Variants in MAPKAP1 observed in about 807,000 individuals in gnomAD.
MAPKAP1 encodes target of rapamycin complex 2 subunit MAPKAP1.
A neutral mutation model predicts 65.7 loss-of-function variants in MAPKAP1; 20 were observed. That is an observed-to-expected ratio of 0.30 (90% CI 0.21 to 0.44). The LOEUF (loss-of-function observed/expected upper bound fraction) is 0.44, where lower values mean the gene tolerates loss of function less well. Ranked by LOEUF, MAPKAP1 falls within the 20% of genes least tolerant of loss-of-function variation. The probability of loss-of-function intolerance (pLI) is 1.00; values close to 1 mark genes in which losing one functional copy is unlikely to be tolerated. For synonymous variants in MAPKAP1, 222 were observed against 244.3 expected, an observed-to-expected ratio of 0.91 and a Z score of 0.85; for missense variants, 423 against 648.0, an observed-to-expected ratio of 0.65 and a Z score of 3.77.
At chr9:125,489,026 G>C (rs1854603614) in intron 8 of MAPKAP1, among the ~76,000 whole-genome samples, 1 of 152,138 alleles carries the variant, frequency 6.6e-6, no homozygotes, top group Non-Finnish European at 1.5e-5. Flanking sequence ...ACACATGAAA[G>C]ATGAAAGATG....
chr9:125,524,935 C>T (rs564151625), intron 7 of MAPKAP1, among the ~76,000 whole-genome samples: 80 of 152,360 alleles, frequency 5.3e-4, no homozygotes, highest in African/African-American at 1.9e-3. Context: ...CCTACACGTG[C>T]ACTCCTATGT....
At chr9:125,698,092 C>G (rs1190095902) in intron 1 of MAPKAP1, among the ~76,000 whole-genome samples, 1 of 151,292 alleles carries the variant, frequency 6.6e-6, no homozygotes, top group Non-Finnish European at 1.5e-5. Flanking sequence ...CTTTTCAGTA[C>G]TCTGAGTCAA....
intron 1 of MAPKAP1, among the ~76,000 whole-genome samples, chr9:125,701,975 G>A (rs1003444032): frequency 2.6e-5 from 4 of 152,172 alleles, no homozygotes; most frequent in African/African-American, 9.7e-5. Flanking sequence ...TTCCTGCTCT[G>A]AACAACAGGT....
chr9:125,470,980 A>C (rs1217032748), intron 9 of MAPKAP1: 2 of 152,258 alleles, frequency 1.3e-5, no homozygotes, highest in Non-Finnish European at 2.9e-5. Context: ...GTAGTTAATG[A>C]TCTGTAAAAC....
At chr9:125,623,971 C>A (rs1170678594) in intron 4 of MAPKAP1, among the ~76,000 whole-genome samples, 177 of 31,118 alleles carry the variant, frequency 5.7e-3, no homozygotes, top group Non-Finnish European at 6.1e-3. Flanking sequence ...CCGCCCCGTC[C>A]GGGAGGGAGG....
rs1286147958 is a variant in MAPKAP1 at position 125,698,286 on chromosome 9, TAA to T, written c.-70+8683_-70+8684del. On this transcript the variant is annotated intron_variant, in intron 1 of 11. Coordinates refer to ENST00000265960, the MANE Select transcript of MAPKAP1 (RefSeq NM_001006617.3). ...AAATATATATAATACATAATATATATAAATATATATATATATATATATATATA... is the reference window on the plus strand; with the variant it reads ...AAATATATATAATACATAATATATATATATATATATATATATATATATATA... 2.9e-3 allele frequency among the ~76,000 whole-genome samples: 76 copies of T among 25,834 alleles called. 1 individual carries two copies. The highest frequency in any genetic ancestry group is 0.013 in the African/African-American group (71 of 5,502). 16.9% of individuals were successfully genotyped at this position (25,834 alleles called of 152,430 possible).
chr9:125,668,617 T>C (rs1349734020), intron 3 of MAPKAP1, among the ~76,000 whole-genome samples: 2 of 152,226 alleles, frequency 1.3e-5, no homozygotes, highest in African/African-American at 4.8e-5. Context: ...AATATTTTAA[T>C]AGCATTTTAT....
chr9:125,497,320 G>A (rs1828836818), intron 8 of MAPKAP1, among the ~76,000 whole-genome samples: 1 of 152,142 alleles, frequency 6.6e-6, no homozygotes, highest in South Asian at 2.1e-4. Flanking sequence ...CCTTCAAAAG[G>A]AAAGATCAAA....
At chr9:125,631,517 T>C (rs1304765635) in intron 4 of MAPKAP1, among the ~76,000 whole-genome samples, 1 of 152,218 alleles carries the variant, frequency 6.6e-6, no homozygotes, top group Non-Finnish European at 1.5e-5. Flanking sequence ...CTTGTCTGAA[T>C]AGACACTTAT....
intron 1 of MAPKAP1, among the ~76,000 whole-genome samples, chr9:125,704,762 A>C (rs1046918596): frequency 6.6e-6 from 1 of 152,096 alleles, no homozygotes; most frequent in Non-Finnish European, 1.5e-5. Flanking sequence ...CTGTAAACTC[A>C]CTCACCAGTC....
In MAPKAP1 at chr9:125,559,871, G is replaced by A. The variant is rs1447669006; in HGVS notation, c.672-62C>T. On this transcript the variant is annotated intron_variant, in intron 5 of 11. Transcript: ENST00000265960. ...GTAGGGAAGGGACAAGAAGACCAGAGGGTATGGTGCACAGCAAGCAAATTG... is the reference window on the plus strand; with the variant it reads ...GTAGGGAAGGGACAAGAAGACCAGAAGGTATGGTGCACAGCAAGCAAATTG... The A allele has an allele frequency of 1.1e-5, 17 of 1,525,794 alleles. No individual in the cohort carries two copies. The South Asian group carries it at 2.1e-4, about 19-fold the overall frequency. 94.5% of individuals were successfully genotyped at this position (1,525,794 alleles called of 1,614,324 possible).
At chr9:125,512,263 T>C (rs909745879) in intron 7 of MAPKAP1, among the ~76,000 whole-genome samples, 1 of 152,234 alleles carries the variant, frequency 6.6e-6, no homozygotes, top group Non-Finnish European at 1.5e-5. Context: ...GTCGCCTCCA[T>C]TGCTCTGTGT....
chr9:125,693,846 T>TATACACACACACACAC (rs10646202), intron 1 of MAPKAP1, among the ~76,000 whole-genome samples: 58 of 135,548 alleles, frequency 4.3e-4, no homozygotes, highest in African/African-American at 1.5e-3. Context: ...TATACACACA[T>TATACACACACACACAC]ACACACACAC....
At chr9:125,508,722 G>T (rs1315856837) in intron 7 of MAPKAP1, among the ~76,000 whole-genome samples, 1 of 152,096 alleles carries the variant, frequency 6.6e-6, no homozygotes, top group East Asian at 1.9e-4. Flanking sequence ...GGGTGTGGTG[G>T]TGCATGCCTG....
chr9:125,657,890 A>C, intron 3 of MAPKAP1, 91 bp from the exon 4 acceptor site: 3 of 1,250,584 alleles, frequency 2.4e-6, no homozygotes, highest in Non-Finnish European at 2.3e-6. Context: ...AACCTTAAGG[A>C]AGGAGCATCC....
chr9:125,444,897 G>A (rs1852645691), intron 10 of MAPKAP1, among the ~76,000 whole-genome samples: 1 of 152,160 alleles, frequency 6.6e-6, no homozygotes, highest in Non-Finnish European at 1.5e-5. Context: ...TGCAAAAGGT[G>A]GCGTTTTTAA....
At chr9:125,696,692 G>C (rs1243809260) in intron 1 of MAPKAP1, among the ~76,000 whole-genome samples, 3 of 151,816 alleles carry the variant, frequency 2.0e-5, no homozygotes, top group Non-Finnish European at 4.4e-5. Context: ...CAATGGTAGT[G>C]ATCAACTGTA....
At chr9:125,639,260 A>T (rs1392351046) in intron 4 of MAPKAP1, among the ~76,000 whole-genome samples, 1 of 151,920 alleles carries the variant, frequency 6.6e-6, no homozygotes, top group African/African-American at 2.4e-5. Context: ...AGACAAAACA[A>T]AACAAACAAA....
chr9:125,698,294 T>TATATATAA (rs1835469028), intron 1 of MAPKAP1, among the ~76,000 whole-genome samples: 2 of 6,320 alleles, frequency 3.2e-4, no homozygotes, highest in African/African-American at 6.8e-4. Context: ...TATAAATATA[T>TATATATAA]ATATATATAT....
Sources: allele counts gnomAD v4.1 joint callset (sites outside exome capture counted in the v4.1 genomes callset), GRCh38; gene constraint gnomAD v4.1.1; transcripts MANE v1.5; gene names NCBI Gene and HGNC (gene_info 2026-07-23, HGNC 2026-07-21).